SORL1: variants seen among roughly 807,000 people sequenced by gnomAD.
The protein encoded by SORL1 is sortilin related receptor 1, also known as sortilin-related receptor.
SORL1 carries 127 observed loss-of-function variants against 273.7 expected under a neutral mutation model. The observed-to-expected ratio is 0.46, with a 90% CI of 0.40 to 0.54. The LOEUF is 0.54. SORL1 is among the 20% of genes least tolerant of loss of function. SORL1 has a pLI of 0.00. For missense variants in SORL1, 2,494 were observed against 2,846.1 expected (o/e 0.88, Z 2.81); for synonymous variants, 1,031 against 1,067.4 (o/e 0.97, Z 0.66).
chr11:121,525,647 T>C (rs1862109918), intron 11 of SORL1, among the ~76,000 whole-genome samples: 1 of 152,242 alleles, frequency 6.6e-6, no homozygotes, highest in Non-Finnish European at 1.5e-5. Context: ...AATATCTCAT[T>C]GTAGTTGTAA....
chr11:121,619,694 A>C, intron 42 of SORL1, 59 bp from the exon 43 acceptor site: 1 of 1,259,134 alleles, frequency 7.9e-7, no homozygotes, highest in Non-Finnish European at 1.1e-6. Context: ...AAATACTTTA[A>C]TAAAGATTGC....
chr11:121,495,167 C>T (rs773344982), intron 5 of SORL1, among the ~76,000 whole-genome samples: 1 of 152,232 alleles, frequency 6.6e-6, no homozygotes, highest in Non-Finnish European at 1.5e-5. Context: ...CACCCAGCCT[C>T]AAACTTCCAG....
intron 41 of SORL1, 45 bp downstream of exon 41, chr11:121,615,100 C>T (rs1355861455): frequency 6.8e-7 from 1 of 1,472,914 alleles, no homozygotes; most frequent in East Asian, 2.3e-5. Context: ...GTGGACTGTC[C>T]CCTAATGCTA....
Position 121,629,794 on chromosome 11 carries a change from A to C in SORL1, c.*231A>C. 1 of 538,722 alleles carries C rather than the reference A, an allele frequency of 1.9e-6. No individual in the cohort carries two copies. The highest frequency in any genetic ancestry group is 2.4e-5 in the South Asian group (1 of 41,620). 33.4% of individuals were successfully genotyped at this position (538,722 alleles called of 1,614,324 possible). A position where few individuals can be genotyped will look rare whatever the true frequency, so the allele number is the denominator to read the frequency against. ...AGTAACCCAATTGCTTTGATTTGAC[A>C]TTAATGTAGTCTTACAGGGCTGTGC... On this transcript the variant is annotated 3_prime_UTR_variant, in exon 48 of 48. Transcript: ENST00000260197.
Position 121,591,107 on chromosome 11 carries a change from G to A in SORL1, c.4320G>A (p.Gly1440=). Residue 1440 remains glycine (G), a synonymous_variant, in exon 31 of 48, where the codon GGG becomes GGA. Coordinates refer to ENST00000260197, the MANE Select transcript of SORL1 (RefSeq NM_003105.6). ...TCVMDTWVCD[G]YRDCADGSDE... ...TGATGGACACCTGGGTGTGCGACGG[G>A]TACCGAGATTGTGCAGATGGCTCTG... 1 of 1,614,208 alleles carries A rather than the reference G, an allele frequency of 6.2e-7. No individual in the cohort carries two copies. The highest frequency in any genetic ancestry group is 1.1e-5 in the South Asian group (1 of 91,084).
intron 21 of SORL1, among the ~76,000 whole-genome samples, chr11:121,565,191 G>A (rs1862737509): frequency 6.6e-6 from 1 of 152,182 alleles, no homozygotes; most frequent in South Asian, 2.1e-4. Flanking sequence ...CTTTTGGACT[G>A]TTTCATCATG....
chr11:121,481,741 C>T (rs1424121184), intron 3 of SORL1, among the ~76,000 whole-genome samples: 1 of 144,166 alleles, frequency 6.9e-6, no homozygotes, highest in Non-Finnish European at 1.5e-5. Context: ...TCCCCAGCTC[C>T]TCCCCTAGTG....
intron 8 of SORL1, among the ~76,000 whole-genome samples, chr11:121,514,926 T>A (rs1356308242): frequency 6.6e-6 from 1 of 152,162 alleles, no homozygotes; most frequent in African/African-American, 2.4e-5. Flanking sequence ...TAAGATCCGT[T>A]CAGGGCCATT....
In SORL1 at chr11:121,488,075, T is replaced by C. The variant is rs376227818; in HGVS notation, c.572T>C (p.Phe191Ser). 6.2e-5 allele frequency: 100 copies of C among 1,614,094 alleles called. No individual in the cohort carries two copies. The highest frequency in any genetic ancestry group is 8.2e-5 in the Non-Finnish European group (97 of 1,180,040). Residue 191 changes from phenylalanine (F) to serine (S), a missense_variant, in exon 4 of 48, where the codon TTT (phenylalanine) becomes TCT (serine). By Grantham distance (155) the Phe-to-Ser change is radical (BLOSUM62 -2). Around this residue, in one of 3 missense-constraint regions of SORL1, gnomAD observed 710 missense variants for 882.5 expected, o/e 0.80. Transcript: ENST00000260197. ...TATGCCCAGTACCTCTGGATCACGT[T>C]TGACTTCTGCAACACTCTTCAAGGC... ...DAYAQYLWIT[F>S]DFCNTLQGFS...
At chr11:121,600,657 G>A (rs1283871666) in intron 32 of SORL1, among the ~76,000 whole-genome samples, 1 of 152,110 alleles carries the variant, frequency 6.6e-6, no homozygotes, top group East Asian at 1.9e-4. Flanking sequence ...CCTGGTAAAG[G>A]GTCTTAAAAT....
intron 7 of SORL1, among the ~76,000 whole-genome samples, chr11:121,513,417 C>A (rs947072599): frequency 4.6e-5 from 7 of 152,140 alleles, no homozygotes; most frequent in African/African-American, 1.7e-4. Context: ...ATGATAGGAT[C>A]TTTTTTTATT....
intron 11 of SORL1, among the ~76,000 whole-genome samples, chr11:121,531,791 C>T (rs1007297921): frequency 3.3e-5 from 5 of 152,186 alleles, no homozygotes; most frequent in Non-Finnish European, 5.9e-5. Flanking sequence ...TTTTTTGACA[C>T]TCTCTGCTAT....
intron 2 of SORL1, among the ~76,000 whole-genome samples, chr11:121,477,494 G>T (rs1169394145): frequency 6.6e-6 from 1 of 152,204 alleles, no homozygotes; most frequent in East Asian, 1.9e-4. Flanking sequence ...CCCCGGTGAG[G>T]AGGTTATTAC....
At chr11:121,491,898 C>T (rs1023037424) in intron 5 of SORL1, among the ~76,000 whole-genome samples, 8 of 152,174 alleles carry the variant, frequency 5.3e-5, no homozygotes, top group Non-Finnish European at 1.0e-4. Context: ...ATGTCAGATA[C>T]CTTCTTACCA....
At chr11:121,555,570 T>C (rs796650766) in intron 18 of SORL1, among the ~76,000 whole-genome samples, 19 of 152,154 alleles carry the variant, frequency 1.2e-4, no homozygotes, top group African/African-American at 4.3e-4. Flanking sequence ...TATTTATATA[T>C]GTACTTACTT....
At chr11:121,567,261 T>A in intron 22 of SORL1, 148 bp downstream of exon 22, 2 of 700,658 alleles carry the variant, frequency 2.9e-6, no homozygotes, top group East Asian at 5.4e-5. Flanking sequence ...CAGATACTCA[T>A]AAGAATACTG....
At chr11:121,547,953 C>T (rs1232817845) in intron 14 of SORL1, among the ~76,000 whole-genome samples, 1 of 152,182 alleles carries the variant, frequency 6.6e-6, no homozygotes, top group Admixed American at 6.5e-5. Context: ...TTAGACCACA[C>T]TGGGAAGCCC....
intron 1 of SORL1, among the ~76,000 whole-genome samples, chr11:121,466,295 C>T (rs538019109): frequency 1.3e-5 from 2 of 152,176 alleles, no homozygotes; most frequent in South Asian, 4.2e-4. Flanking sequence ...AGGCCAGTGT[C>T]TTCTGGGTGT....
At chr11:121,467,530 A>T (rs1480710979) in intron 1 of SORL1, among the ~76,000 whole-genome samples, 1 of 149,502 alleles carries the variant, frequency 6.7e-6, no homozygotes, top group East Asian at 2.0e-4. Flanking sequence ...TCCCAGGGGA[A>T]CATGGGTGAT....
Sources: gnomAD v4.1 joint callset for allele counts (sites outside exome capture counted in the v4.1 genomes callset) on GRCh38, gnomAD v4.1.1 for gene constraint, gnomAD v4.1.1 regional missense constraint, MANE v1.5 for transcripts, NCBI Gene and HGNC (gene_info 2026-07-23, HGNC 2026-07-21) for gene names.